CA13: variants seen among roughly 807,000 people sequenced by gnomAD.
The protein encoded by CA13 is carbonic anhydrase 13.
A neutral mutation model predicts 31.5 loss-of-function variants in CA13; 21 were observed. That is an observed-to-expected ratio of 0.67 (90% CI 0.47 to 0.96). CA13 has a LOEUF of 0.96. Ranked by LOEUF, CA13 falls within the 40% of genes least tolerant of loss-of-function variation. CA13 has a pLI of 0.00. For missense variants in CA13, 315 were observed against 318.9 expected, an observed-to-expected ratio of 0.99 and a Z score of 0.09; for synonymous variants, 117 against 111.4, an observed-to-expected ratio of 1.05 and a Z score of -0.32.
In CA13 at chr8:85,245,852, C is replaced by T; in HGVS notation, c.24C>T (p.Tyr8=). 2 of 1,614,156 alleles carry T rather than the reference C, an allele frequency of 1.2e-6. No homozygotes were observed. Among genetic ancestry groups the T allele is most frequent in the Non-Finnish European group, 1.7e-6 (2 of 1,180,004 alleles). ...CCATGTCGAGGCTCAGCTGGGGATACCGCGAGCACAACGGTGAGCGCCTTT... is the reference window on the plus strand; with the variant it reads ...CCATGTCGAGGCTCAGCTGGGGATATCGCGAGCACAACGGTGAGCGCCTTT... MSRLSWG[Y]REHNGPIHWK... is the part of the protein sequence containing the mutation. The change falls in exon 1 of 7, where the codon TAC becomes TAT. Residue 8 remains tyrosine (Y), a synonymous_variant. Coordinates refer to ENST00000321764, the MANE Select transcript of CA13 (RefSeq NM_198584.3).
intron 3 of CA13, among the ~76,000 whole-genome samples, chr8:85,264,471 C>G (rs550102578): frequency 6.6e-6 from 1 of 151,912 alleles, no homozygotes; most frequent in Non-Finnish European, 1.5e-5. Flanking sequence ...AATATAAATG[C>G]TAATAGAAGT....
At chr8:85,279,983 A>C (rs955520072) in intron 6 of CA13, among the ~76,000 whole-genome samples, 2 of 152,102 alleles carry the variant, frequency 1.3e-5, no homozygotes, top group Non-Finnish European at 2.9e-5. Flanking sequence ...TTAAAAAAAA[A>C]ACAAAAACCT....
chr8:85,278,594 G>A (rs554409422), intron 6 of CA13, among the ~76,000 whole-genome samples: 11 of 152,290 alleles, frequency 7.2e-5, no homozygotes, highest in African/African-American at 2.2e-4. Context: ...AAAATGATAC[G>A]ATGTTGGGAA....
Position 85,245,888 on chromosome 8 carries a change from A to T in CA13, c.37+23A>T, listed in dbSNP as rs745742507. 12 of 1,613,428 alleles carry T rather than the reference A, an allele frequency of 7.4e-6. No individual in the cohort carries two copies. In the South Asian group the frequency reaches 1.1e-4, roughly 15 times the overall value. On this transcript the variant is annotated intron_variant, in intron 1 of 6. Transcript: ENST00000321764. ...ACGGTGAGCGCCTTTTCCTGATCCA[A>T]GGGGGGGTTTGTGCGGGGGACGAGA...
chr8:85,276,161 C>T (rs1364379829), intron 6 of CA13, among the ~76,000 whole-genome samples: 1 of 152,080 alleles, frequency 6.6e-6, no homozygotes, highest in Non-Finnish European at 1.5e-5. Context: ...CTCGGAGCGG[C>T]GGGCCGGCCC....
At chr8:85,277,538 AACCC>A (rs1055415742) in intron 6 of CA13, among the ~76,000 whole-genome samples, 2 of 152,158 alleles carry the variant, frequency 1.3e-5, no homozygotes, top group African/African-American at 2.4e-5. Flanking sequence ...TGAGACCAAG[AACCC>A]ACCAATTCCG....
At chr8:85,262,005 C>G (rs1311686656) in intron 3 of CA13, among the ~76,000 whole-genome samples, 1 of 152,200 alleles carries the variant, frequency 6.6e-6, no homozygotes, top group Admixed American at 6.5e-5. Flanking sequence ...ACCACTACAT[C>G]TGGCTAATTA....
intron 6 of CA13, among the ~76,000 whole-genome samples, chr8:85,279,199 A>T (rs191094279): frequency 5.3e-5 from 8 of 152,352 alleles, no homozygotes; most frequent in African/African-American, 1.9e-4. Flanking sequence ...TCAAGGCTGA[A>T]CTGGGAACAT....
In CA13 at chr8:85,283,889, A is replaced by C. The variant is rs938406391; in HGVS notation, c.*2540A>C. On this transcript the variant is annotated 3_prime_UTR_variant, in exon 7 of 7. Coordinates refer to ENST00000321764, the MANE Select transcript of CA13 (RefSeq NM_198584.3). ...GTGTGTTAATTGATATATCTTCTAG[A>C]GGCAAAAGGTTTAAATGTGTTAAAA... 3 of 152,254 alleles carry C rather than the reference A, an allele frequency of 2.0e-5. No homozygotes were observed. Among genetic ancestry groups the C allele is most frequent in the African/African-American group, 7.2e-5 (3 of 41,472 alleles). The allele number at this position is 152,254 out of a possible 1,614,324, so 9.4% of individuals were successfully genotyped here.
At chr8:85,275,941 G>A (rs1807596231) in intron 6 of CA13, among the ~76,000 whole-genome samples, 1 of 152,270 alleles carries the variant, frequency 6.6e-6, no homozygotes, top group South Asian at 2.1e-4. Context: ...CGCCTCCTCT[G>A]CCTGGGCTCC....
intron 1 of CA13, among the ~76,000 whole-genome samples, chr8:85,248,569 G>T (rs140969227): frequency 2.2e-4 from 33 of 152,134 alleles, no homozygotes; most frequent in African/African-American, 7.7e-4. Flanking sequence ...AGACTAGCCT[G>T]CAGGGTCATG....
chr8:85,245,542 C>A lies in CA13; in HGVS notation c.-287C>A. On this transcript the variant is annotated 5_prime_UTR_variant, in exon 1 of 7. Transcript: ENST00000321764. ...AAGGCAGGAGATCCCCCCCGGAAACCTTTCTCTCTCCGTCTCTCCCTCTAA... is the reference window on the plus strand; with the variant it reads ...AAGGCAGGAGATCCCCCCCGGAAACATTTCTCTCTCCGTCTCTCCCTCTAA... 2.2e-6 allele frequency: 1 copy of A among 449,290 alleles called. No homozygotes were observed. Among genetic ancestry groups the A allele is most frequent in the Non-Finnish European group, 4.0e-6 (1 of 252,210 alleles). 27.8% of individuals were successfully genotyped at this position (449,290 alleles called of 1,614,324 possible).
intron 3 of CA13, among the ~76,000 whole-genome samples, chr8:85,259,773 A>C (rs140025909): frequency 1.2e-4 from 19 of 152,228 alleles, no homozygotes; most frequent in Non-Finnish European, 2.6e-4. Flanking sequence ...CATTTTAGAC[A>C]TAAGTAAACT....
chr8:85,259,516 GATGGAGTGAGCT>G lies in CA13; in HGVS notation c.335_346del (p.Gly112_Tyr115del), dbSNP rs760683279. 7.4e-6 allele frequency: 12 copies of G among 1,613,808 alleles called. No individual in the cohort carries two copies. In the Admixed American group the frequency reaches 2.0e-4, roughly 27 times the overall value. On this transcript the variant is annotated inframe_deletion, in exon 3 of 7. Coordinates refer to ENST00000321764, the MANE Select transcript of CA13 (RefSeq NM_198584.3). ...TGACCACGGCTCCGAGCACATAGTA[GATGGAGTGAGCT>G]ATGCTGCAGAGGTAAGCCATAAGAC...
In CA13 at chr8:85,245,840, C is replaced by A. The variant is rs200910539; in HGVS notation, c.12C>A (p.Leu4=). The change falls in exon 1 of 7, where the codon CTC becomes CTA. Residue 4 remains leucine (L), a synonymous_variant. Coordinates refer to ENST00000321764, the MANE Select transcript of CA13 (RefSeq NM_198584.3). MSR[L]SWGYREHNGP... ...CACCCCGAGGGACCATGTCGAGGCT[C>A]AGCTGGGGATACCGCGAGCACAACG... The A allele has an allele frequency of 1.2e-6, 2 of 1,614,190 alleles. No homozygotes were observed. The highest frequency in any genetic ancestry group is 1.3e-5 in the African/African-American group (1 of 75,054).
At chr8:85,274,876 G>A (rs752421086) in intron 6 of CA13, among the ~76,000 whole-genome samples, 102 of 152,286 alleles carry the variant, frequency 6.7e-4, no homozygotes, top group African/African-American at 2.3e-3. Flanking sequence ...TCCAAGGATC[G>A]TTTTTCTCTG....
At chr8:85,259,613 A>C (rs1431933146) in intron 3 of CA13, 74 bp downstream of exon 3, 5 of 1,199,558 alleles carry the variant, frequency 4.2e-6, no homozygotes, top group Non-Finnish European at 3.7e-6. Context: ...AGACAACTTT[A>C]CTGATTCCAA....
At chr8:85,246,624 G>C in intron 1 of CA13, 1 of 408,922 alleles carries the variant, frequency 2.4e-6, no homozygotes, top group South Asian at 1.8e-5. Context: ...TTTTCTTCTT[G>C]TATATCACAC....
intron 3 of CA13, among the ~76,000 whole-genome samples, chr8:85,265,644 A>G (rs1807445703): frequency 6.6e-6 from 1 of 151,964 alleles, no homozygotes; most frequent in Admixed American, 6.6e-5. Context: ...TCAGCAAAGT[A>G]TCTAAACATA....
Sources: gnomAD v4.1 joint callset for allele counts (sites outside exome capture counted in the v4.1 genomes callset) on GRCh38, gnomAD v4.1.1 for gene constraint, MANE v1.5 for transcripts, NCBI Gene and HGNC (gene_info 2026-07-23, HGNC 2026-07-21) for gene names.